P3H2: variants seen among roughly 807,000 people sequenced by gnomAD.
P3H2 encodes prolyl 3-hydroxylase 2.
A neutral mutation model predicts 87.0 loss-of-function variants in P3H2; 80 were observed. That is an observed-to-expected ratio of 0.92 (90% CI 0.77 to 1.11). The LOEUF (loss-of-function observed/expected upper bound fraction) is 1.11, where lower values mean the gene tolerates loss of function less well. Ranked by LOEUF, P3H2 falls within the 50% of genes least tolerant of loss-of-function variation. The pLI is 0.00. For synonymous variants in P3H2, 367 were observed against 359.3 expected, an observed-to-expected ratio of 1.02 and a Z score of -0.24; for missense variants, 1,001 against 923.9, an observed-to-expected ratio of 1.08 and a Z score of -1.08.
intron 8 of P3H2, among the ~76,000 whole-genome samples, chr3:189,982,320 A>G (rs1055276027): frequency 6.6e-6 from 1 of 152,208 alleles, no homozygotes; most frequent in Non-Finnish European, 1.5e-5. Context: ...CTGGGAAATC[A>G]TAAAACATAT....
intron 1 of P3H2, among the ~76,000 whole-genome samples, chr3:190,057,055 G>A (rs756633800): frequency 6.6e-6 from 1 of 152,192 alleles, no homozygotes; most frequent in Non-Finnish European, 1.5e-5. Context: ...GAGAGAAGGG[G>A]AAGTGGGGAA....
At chr3:190,076,457 A>T (rs1042680274) in intron 1 of P3H2, among the ~76,000 whole-genome samples, 1 of 152,196 alleles carries the variant, frequency 6.6e-6, no homozygotes, top group Non-Finnish European at 1.5e-5. Flanking sequence ...GATGGGAAAG[A>T]TGAGGCAGCT....
chr3:190,073,074 G>T (rs533574793), intron 1 of P3H2, among the ~76,000 whole-genome samples: 1 of 152,304 alleles, frequency 6.6e-6, no homozygotes, highest in South Asian at 2.1e-4. Flanking sequence ...AGAGGTAATA[G>T]AAACAGTAGT....
At position 189,987,568 on chromosome 3, in the gene P3H2, G is replaced by T; in HGVS notation, c.1057C>A (p.Leu353Met). The T allele has an allele frequency of 2.5e-6, 4 of 1,613,764 alleles. No individual in the cohort carries two copies. Among genetic ancestry groups the T allele is most frequent in the Non-Finnish European group, 2.5e-6 (3 of 1,179,952 alleles). ...LDNVDYYESL[L>M]DDSIDPASIE... Reference sequence around the variant, plus strand: ...GATGCCGGGTCAATGCTATCATCCAGCAGACTCTCATAGTAATCCACATTG... The same window carrying T: ...GATGCCGGGTCAATGCTATCATCCATCAGACTCTCATAGTAATCCACATTG... Residue 353 changes from leucine (L) to methionine (M), a missense_variant, in exon 5 of 15, where the codon CTG (leucine) becomes ATG (methionine). Transcript: ENST00000319332.
chr3:189,993,017 T>C (rs1490190792), intron 3 of P3H2, among the ~76,000 whole-genome samples: 1 of 152,166 alleles, frequency 6.6e-6, no homozygotes, highest in Non-Finnish European at 1.5e-5. Context: ...TTCTTGTCTT[T>C]TGTCATACTT....
At chr3:190,042,183 C>T (rs1162179650) in intron 1 of P3H2, among the ~76,000 whole-genome samples, 1 of 152,120 alleles carries the variant, frequency 6.6e-6, no homozygotes, top group Non-Finnish European at 1.5e-5. Context: ...GTGTAACTAA[C>T]CTAATAGACA....
chr3:189,973,503 CTTTCTTTCTTTTTTTT>C (rs1208385858), intron 10 of P3H2, among the ~76,000 whole-genome samples: 4 of 38,524 alleles, frequency 1.0e-4, no homozygotes, highest in African/African-American at 2.9e-4. Context: ...TTCTTTCTTT[CTTTCTTTCTTTTTTTT>C]TTTTTTTTTT....
At chr3:189,984,394 G>T (rs1371037202) in intron 7 of P3H2, among the ~76,000 whole-genome samples, 156 bp downstream of exon 7, 1 of 152,070 alleles carries the variant, frequency 6.6e-6, no homozygotes, top group Non-Finnish European at 1.5e-5. Context: ...GTGGCAGGAA[G>T]AGCTGGGACC....
chr3:190,076,313 T>C (rs1726876558), intron 1 of P3H2, among the ~76,000 whole-genome samples: 1 of 152,080 alleles, frequency 6.6e-6, no homozygotes. Flanking sequence ...TCCTGGAAAC[T>C]TGACAAAAAA....
chr3:189,972,129 G>T, intron 11 of P3H2, 122 bp from the exon 12 acceptor site: 1 of 720,546 alleles, frequency 1.4e-6, no homozygotes, highest in Non-Finnish European at 2.6e-6. Flanking sequence ...GCAGACAACA[G>T]GAAAGAACAG....
chr3:190,007,058 T>G (rs1044464274), intron 1 of P3H2, among the ~76,000 whole-genome samples: 1 of 152,208 alleles, frequency 6.6e-6, no homozygotes, highest in Non-Finnish European at 1.5e-5. Context: ...AAAACTAAAA[T>G]ACGTGAGGTA....
At chr3:190,064,816 C>T (rs753445883) in intron 1 of P3H2, among the ~76,000 whole-genome samples, 16 of 152,140 alleles carry the variant, frequency 1.1e-4, no homozygotes, top group African/African-American at 2.4e-4. Flanking sequence ...CAGGAAGTAA[C>T]AGGACATATC....
chr3:190,097,919 A>G (rs1295795371), intron 1 of P3H2, among the ~76,000 whole-genome samples: 1 of 152,208 alleles, frequency 6.6e-6, no homozygotes, highest in Non-Finnish European at 1.5e-5. Flanking sequence ...TGCACTATCC[A>G]TGTCTAATTT....
At chr3:190,103,296 T>C (rs557441491) in intron 1 of P3H2, among the ~76,000 whole-genome samples, 2 of 152,340 alleles carry the variant, frequency 1.3e-5, no homozygotes, top group South Asian at 4.1e-4. Flanking sequence ...CAAATAGTAC[T>C]ATCAGCCATA....
chr3:189,971,919 C>T lies in P3H2; in HGVS notation c.1788G>A (p.Glu596=), dbSNP rs1403616812. The T allele has an allele frequency of 6.2e-7, 1 of 1,610,636 alleles. No individual in the cohort carries two copies. The highest frequency in any genetic ancestry group is 1.3e-5 in the African/African-American group (1 of 74,946). Residue 596 remains glutamate, a synonymous_variant, in exon 12 of 15, where the codon GAG becomes GAA. Coordinates refer to ENST00000319332, the MANE Select transcript of P3H2 (RefSeq NM_018192.4). ...LDPEANECWK[E]PPAYTFRDYS... ...AGTCTCGAAATGTGTAAGCAGGAGG[C>T]TCCTTCCAGCATTCGTTGGCCTCTG...
At chr3:190,020,879 C>T (rs980761055) in intron 1 of P3H2, among the ~76,000 whole-genome samples, 3 of 134,382 alleles carry the variant, frequency 2.2e-5, no homozygotes, top group African/African-American at 7.7e-5. Context: ...TACAAAATCC[C>T]TATTAAAATA....
chr3:189,962,331 C>T (rs1352150365), intron 14 of P3H2, among the ~76,000 whole-genome samples: 2 of 151,920 alleles, frequency 1.3e-5, no homozygotes, highest in African/African-American at 2.4e-5. Flanking sequence ...CGTGCCACCA[C>T]GCCAGGCTAA....
At chr3:190,058,409 C>G (rs1488176559) in intron 1 of P3H2, among the ~76,000 whole-genome samples, 1 of 151,986 alleles carries the variant, frequency 6.6e-6, no homozygotes, top group Admixed American at 6.6e-5. Context: ...TAAAACAAGG[C>G]GAAAACTACG....
chr3:189,958,318 T>TC (rs1722701728), intron 14 of P3H2, among the ~76,000 whole-genome samples: 1 of 151,940 alleles, frequency 6.6e-6, no homozygotes, highest in Non-Finnish European at 1.5e-5. Flanking sequence ...CACCATTTTC[T>TC]CCCCAAGAAC....
Sources: allele counts gnomAD v4.1 joint callset (sites outside exome capture counted in the v4.1 genomes callset), GRCh38; gene constraint gnomAD v4.1.1; transcripts MANE v1.5; gene names NCBI Gene and HGNC (gene_info 2026-07-23, HGNC 2026-07-21).